CACNA2D1: variants seen among roughly 807,000 people sequenced by gnomAD.
The protein encoded by CACNA2D1 is voltage-dependent calcium channel subunit alpha-2/delta-1.
A neutral mutation model predicts 171.5 loss-of-function variants in CACNA2D1; 53 were observed. The ratio of observed to expected loss-of-function variants is 0.31; its 90% confidence interval spans 0.25 to 0.39. The LOEUF is 0.39. CACNA2D1 is among the 10% of genes least tolerant of loss of function. CACNA2D1 has a pLI of 1.00. For missense variants in CACNA2D1, 903 were observed against 1,299.8 expected (o/e 0.69, Z 4.69); for synonymous variants, 442 against 443.1 (o/e 1.00, Z 0.03).
chr7:81,968,783 GAC>G, intron 29 of CACNA2D1, 102 bp downstream of exon 29: 1 of 734,366 alleles, frequency 1.4e-6, no homozygotes, highest in Non-Finnish European at 2.5e-6. Flanking sequence ...TATTTTGTTT[GAC>G]ACCTTTTGAT....
intron 12 of CACNA2D1, among the ~76,000 whole-genome samples, chr7:82,025,004 C>T (rs1041945632): frequency 6.6e-6 from 1 of 151,572 alleles, no homozygotes; most frequent in African/African-American, 2.4e-5. Context: ...GTCTAAATGT[C>T]TGTCTTTATG....
At chr7:82,340,142 T>C (rs1818447729) in intron 2 of CACNA2D1, among the ~76,000 whole-genome samples, 1 of 152,188 alleles carries the variant, frequency 6.6e-6, no homozygotes, top group South Asian at 2.1e-4. Context: ...TTTTTAGTCA[T>C]CTGTCACCAT....
At chr7:82,071,317 A>G (rs944027244) in intron 7 of CACNA2D1, among the ~76,000 whole-genome samples, 1 of 152,132 alleles carries the variant, frequency 6.6e-6, no homozygotes, top group Non-Finnish European at 1.5e-5. Flanking sequence ...CAAAAGAAGG[A>G]TATCTTTGTA....
At chr7:82,112,259 C>A (rs1411106588) in intron 6 of CACNA2D1, among the ~76,000 whole-genome samples, 1 of 152,136 alleles carries the variant, frequency 6.6e-6, no homozygotes, top group East Asian at 1.9e-4. Flanking sequence ...AATAATTTCA[C>A]TCTTTAATTT....
chr7:82,196,257 ACTAGCTTTGGGGC>A (rs1300307664), intron 3 of CACNA2D1, among the ~76,000 whole-genome samples: 1 of 152,092 alleles, frequency 6.6e-6, no homozygotes, highest in Admixed American at 6.6e-5. Flanking sequence ...ATTCATAACC[ACTAGCTTTGGGGC>A]CTAGCCAAAA....
intron 5 of CACNA2D1, among the ~76,000 whole-genome samples, chr7:82,122,213 A>G (rs1789822935): frequency 6.6e-6 from 1 of 152,228 alleles, no homozygotes; most frequent in Non-Finnish European, 1.5e-5. Context: ...AATTTTCCAA[A>G]TGACAGTGAA....
At chr7:82,132,596 T>G (rs962524670) in intron 5 of CACNA2D1, among the ~76,000 whole-genome samples, 3 of 152,064 alleles carry the variant, frequency 2.0e-5, no homozygotes, top group African/African-American at 7.2e-5. Context: ...TCATGGATAT[T>G]GGAACACCGA....
chr7:82,234,157 T>G (rs1337365173), intron 3 of CACNA2D1, among the ~76,000 whole-genome samples: 1 of 152,062 alleles, frequency 6.6e-6, no homozygotes, highest in Non-Finnish European at 1.5e-5. Flanking sequence ...AATTTACATT[T>G]CTCTGAAATG....
intron 3 of CACNA2D1, among the ~76,000 whole-genome samples, chr7:82,272,947 T>C (rs1374545527): frequency 6.6e-6 from 1 of 152,140 alleles, no homozygotes; most frequent in African/African-American, 2.4e-5. Context: ...TCAGAAATAT[T>C]TGTTATTTTA....
intron 3 of CACNA2D1, among the ~76,000 whole-genome samples, chr7:82,255,518 C>T (rs1277764215): frequency 1.3e-5 from 2 of 152,118 alleles, no homozygotes; most frequent in East Asian, 3.9e-4. Context: ...CAATTATTTA[C>T]AAGAAAATTC....
At chr7:82,255,471 A>C (rs1454217378) in intron 3 of CACNA2D1, among the ~76,000 whole-genome samples, 1 of 152,234 alleles carries the variant, frequency 6.6e-6, no homozygotes, top group African/African-American at 2.4e-5. Flanking sequence ...TCAGTTAATA[A>C]TTGGTATACC....
At chr7:82,142,147 A>T (rs1410788981) in intron 4 of CACNA2D1, among the ~76,000 whole-genome samples, 3 of 152,190 alleles carry the variant, frequency 2.0e-5, no homozygotes, top group Admixed American at 6.5e-5. Flanking sequence ...ACCTTTGGAG[A>T]GCTATTTTTC....
At chr7:82,038,390 C>A (rs1251086056) in intron 10 of CACNA2D1, among the ~76,000 whole-genome samples, 155 bp from the exon 11 acceptor site, 2 of 152,260 alleles carry the variant, frequency 1.3e-5, no homozygotes, top group Admixed American at 6.5e-5. Context: ...CATTAAGAAA[C>A]CAATGGCTAT....
intron 34 of CACNA2D1, 45 bp from the exon 35 acceptor site, chr7:81,962,540 T>C: frequency 1.5e-6 from 2 of 1,315,242 alleles, no homozygotes; most frequent in Non-Finnish European, 2.1e-6. Flanking sequence ...AGGGAAAAAA[T>C]GTGTTTTTAC....
At chr7:82,061,384 C>T (rs2237504) in intron 9 of CACNA2D1, among the ~76,000 whole-genome samples, 66,395 of 151,898 alleles carry the variant, frequency 0.44, 15,546 homozygotes, top group African/African-American at 0.61. Flanking sequence ...CTTCATTATA[C>T]GAAGATGCTG....
intron 21 of CACNA2D1, among the ~76,000 whole-genome samples, chr7:81,990,340 T>C (rs1438411280): frequency 6.6e-6 from 1 of 152,148 alleles, no homozygotes; most frequent in East Asian, 1.9e-4. Context: ...TTAAAGTTTA[T>C]TTTATTAAAT....
At chr7:82,117,646 G>C (rs1446564060) in intron 5 of CACNA2D1, among the ~76,000 whole-genome samples, 1 of 152,048 alleles carries the variant, frequency 6.6e-6, no homozygotes, top group Non-Finnish European at 1.5e-5. Context: ...AAATTAGCTG[G>C]ACATGGCAGC....
chr7:82,151,124 C>T (rs1459572670), intron 4 of CACNA2D1, among the ~76,000 whole-genome samples: 1 of 152,100 alleles, frequency 6.6e-6, no homozygotes, highest in Non-Finnish European at 1.5e-5. Context: ...AGACTCTCAA[C>T]ATAGCCCTAG....
chr7:82,339,911 C>T lies in CACNA2D1; in HGVS notation c.178-4660G>A, dbSNP rs79171788. 5.1e-3 allele frequency among the ~76,000 whole-genome samples: 776 copies of T among 152,026 alleles called. 20 individuals carry two copies. The East Asian group carries it at 0.081, about 16-fold the overall frequency. ...TCAGCTGGACTTAAAAGAAGATTAC[C>T]CTAGATAGTCAGAGTTAGCCAATGG... On this transcript the variant is annotated intron_variant, in intron 2 of 38. Coordinates refer to ENST00000356860, the MANE Select transcript of CACNA2D1 (RefSeq NM_000722.4).
Sources: gnomAD v4.1 joint callset for allele counts (sites outside exome capture counted in the v4.1 genomes callset) on GRCh38, gnomAD v4.1.1 for gene constraint, MANE v1.5 for transcripts, NCBI Gene and HGNC (gene_info 2026-07-23, HGNC 2026-07-21) for gene names.